The following HPSE2 variants were observed in gnomAD, a reference collection of about 807,000 sequenced individuals.
HPSE2 encodes the protein heparanase 2 (inactive).
A neutral mutation model predicts 60.5 loss-of-function variants in HPSE2; 38 were observed. The ratio of observed to expected loss-of-function variants is 0.63; its 90% CI spans 0.48 to 0.82. The LOEUF is 0.82. HPSE2 is among the 40% of genes least tolerant of loss of function. The pLI is 0.00. For synonymous variants in HPSE2, 295 were observed against 293.2 expected (o/e 1.01, Z -0.06); for missense variants, 713 against 740.4 (o/e 0.96, Z 0.43).
At chr10:98,759,509 G>A (rs1949958537) in intron 3 of HPSE2, among the ~76,000 whole-genome samples, 1 of 152,024 alleles carries the variant, frequency 6.6e-6, no homozygotes, top group Non-Finnish European at 1.5e-5. Flanking sequence ...TCCTCAGTGT[G>A]TGTATATCCA....
At chr10:98,763,607 T>C (rs1032023753) in intron 3 of HPSE2, among the ~76,000 whole-genome samples, 9 of 152,226 alleles carry the variant, frequency 5.9e-5, no homozygotes, top group Admixed American at 5.2e-4. Flanking sequence ...ACTTCTTTTG[T>C]TCCAAATATA....
intron 2 of HPSE2, among the ~76,000 whole-genome samples, chr10:99,203,866 G>GCCCGCTCTGCC (rs78743483): frequency 1.3e-5 from 2 of 151,648 alleles, no homozygotes; most frequent in Non-Finnish European, 2.9e-5. Context: ...CAGAAGCCAG[G>GCCCGCTCTGCC]ACCGCTCCAC....
Position 99,235,581 on chromosome 10 carries a change from G to A in HPSE2, c.222C>T (p.Val74=). 1 of 1,614,096 alleles carries A rather than the reference G, an allele frequency of 6.2e-7. No individual in the cohort carries two copies. Among genetic ancestry groups the A allele is most frequent in the Non-Finnish European group, 8.5e-7 (1 of 1,180,004 alleles). Residue 74 remains valine (V), a synonymous_variant, in exon 1 of 12, where the codon GTC becomes GTT. Coordinates refer to ENST00000370552, the MANE Select transcript of HPSE2 (RefSeq NM_021828.5). ...DVSTKNPVRT[V]NENFLSLQLD... is the part of the protein sequence containing the mutation. Reference sequence around the variant, plus strand: ...GCTGCAGAGAGAGGAAGTTCTCATTGACTGTCCTGACTGGGTTCTTGGTGC... The same window carrying A: ...GCTGCAGAGAGAGGAAGTTCTCATTAACTGTCCTGACTGGGTTCTTGGTGC...
At chr10:99,000,568 A>G (rs1956754965) in intron 3 of HPSE2, among the ~76,000 whole-genome samples, 1 of 152,160 alleles carries the variant, frequency 6.6e-6, no homozygotes, top group African/African-American at 2.4e-5. Context: ...TGCAAATCAA[A>G]GACACTAAGG....
At chr10:98,478,951 TG>T in intron 11 of HPSE2, among the ~76,000 whole-genome samples, 1 of 152,252 alleles carries the variant, frequency 6.6e-6, no homozygotes, top group South Asian at 2.1e-4. Flanking sequence ...TTCACTGAGA[TG>T]GGAAACAAGA....
chr10:98,461,015 T>C (rs925935201), intron 11 of HPSE2, among the ~76,000 whole-genome samples: 1 of 152,280 alleles, frequency 6.6e-6, no homozygotes, highest in Admixed American at 6.5e-5. Flanking sequence ...GATGACTGTT[T>C]CTGGGCCTTG....
At chr10:98,766,702 A>G (rs1422613989) in intron 3 of HPSE2, among the ~76,000 whole-genome samples, 4 of 152,148 alleles carry the variant, frequency 2.6e-5, no homozygotes, top group African/African-American at 9.7e-5. Context: ...AGGCAGGCAG[A>G]TTGCTTGAGC....
At chr10:98,506,364 T>C (rs1251670144) in intron 9 of HPSE2, among the ~76,000 whole-genome samples, 2 of 152,228 alleles carry the variant, frequency 1.3e-5, no homozygotes, top group African/African-American at 4.8e-5. Flanking sequence ...TTTAGTAGTA[T>C]GCAAAGCAAT....
chr10:99,176,387 C>T (rs567917199), intron 2 of HPSE2, among the ~76,000 whole-genome samples: 45 of 152,032 alleles, frequency 3.0e-4, no homozygotes, highest in African/African-American at 1.0e-3. Flanking sequence ...AAAGGTTAGA[C>T]GAATTGCTAA....
chr10:98,878,727 C>G (rs1280267738), intron 3 of HPSE2, among the ~76,000 whole-genome samples: 3 of 151,912 alleles, frequency 2.0e-5, no homozygotes, highest in African/African-American at 7.2e-5. Flanking sequence ...TGGGAAGCCA[C>G]TGATGTTTTT....
At chr10:99,250,322 A>T in the HPSE2 span, among the ~76,000 whole-genome samples, 1 of 152,096 alleles carries the variant, frequency 6.6e-6, no homozygotes, top group East Asian at 1.9e-4. Flanking sequence ...TTTCTTTATA[A>T]ATTACCCAGT....
At chr10:98,628,423 C>T (rs1048596559) in intron 7 of HPSE2, among the ~76,000 whole-genome samples, 5 of 152,098 alleles carry the variant, frequency 3.3e-5, no homozygotes, top group Admixed American at 6.5e-5. Flanking sequence ...CATGATTCTC[C>T]CTGTGCTAGA....
At chr10:98,535,277 A>T (rs1943248950) in intron 9 of HPSE2, among the ~76,000 whole-genome samples, 1 of 152,172 alleles carries the variant, frequency 6.6e-6, no homozygotes, top group South Asian at 2.1e-4. Context: ...TAGGCTTGAC[A>T]TAAATCAGAA....
intron 3 of HPSE2, among the ~76,000 whole-genome samples, chr10:98,782,526 T>C (rs1445315465): frequency 7.0e-6 from 1 of 142,354 alleles, no homozygotes; most frequent in Non-Finnish European, 1.5e-5. Flanking sequence ...GAGAAGACAA[T>C]TGGTGTAAAA....
At chr10:99,227,815 GTA>G (rs971220149) in intron 2 of HPSE2, among the ~76,000 whole-genome samples, 4 of 145,530 alleles carry the variant, frequency 2.7e-5, no homozygotes, top group Non-Finnish European at 4.5e-5. Flanking sequence ...ATATATATAT[GTA>G]TATATATAAA....
chr10:99,260,108 A>C, the HPSE2 span, among the ~76,000 whole-genome samples: 1 of 152,226 alleles, frequency 6.6e-6, no homozygotes, highest in Non-Finnish European at 1.5e-5. Context: ...GTAAGTAAAC[A>C]ATTCTAAAAT....
At chr10:98,788,899 C>G (rs189252020) in intron 3 of HPSE2, among the ~76,000 whole-genome samples, 44 of 152,182 alleles carry the variant, frequency 2.9e-4, no homozygotes, top group African/African-American at 7.9e-4. Flanking sequence ...AGAAATCACC[C>G]GTCTTCTGCG....
At chr10:98,537,415 ATAGT>A (rs1167007827) in intron 9 of HPSE2, among the ~76,000 whole-genome samples, 1 of 152,230 alleles carries the variant, frequency 6.6e-6, no homozygotes, top group African/African-American at 2.4e-5. Context: ...AATAAAGAAA[ATAGT>A]TAGAATAAGA....
intron 2 of HPSE2, among the ~76,000 whole-genome samples, chr10:99,161,027 C>G (rs1385187256): frequency 1.3e-5 from 2 of 151,836 alleles, no homozygotes; most frequent in Admixed American, 6.6e-5. Flanking sequence ...ACCACACCAG[C>G]CTGGGCAACA....
Sources: allele counts gnomAD v4.1 joint callset (sites outside exome capture counted in the v4.1 genomes callset), GRCh38; gene constraint gnomAD v4.1.1; transcripts MANE v1.5; gene names NCBI Gene and HGNC (gene_info 2026-07-23, HGNC 2026-07-21).